The following RBPMS variants were observed in gnomAD, a reference collection of about 807,000 sequenced individuals.
RBPMS encodes RNA binding protein, mRNA processing factor, also known as RNA-binding protein with multiple splicing.
A neutral mutation model predicts 26.8 loss-of-function variants in RBPMS; 7 were observed. That is an observed-to-expected ratio of 0.26 (90% CI 0.15 to 0.49). The LOEUF (loss-of-function observed/expected upper bound fraction) is 0.49. Among genes scored for constraint, RBPMS ranks in the 20% least tolerant of loss-of-function variants. The pLI is 0.98. For missense variants in RBPMS, 186 were observed against 250.0 expected (o/e 0.74, Z 1.73); for synonymous variants, 96 against 93.3 (o/e 1.03, Z -0.17).
At chr8:30,408,349 C>T (rs189388224) in intron 1 of RBPMS, among the ~76,000 whole-genome samples, 1 of 152,172 alleles carries the variant, frequency 6.6e-6, no homozygotes, top group East Asian at 1.9e-4. Context: ...GCCAATGTGG[C>T]GAAACTCTGT....
intron 1 of RBPMS, among the ~76,000 whole-genome samples, chr8:30,439,949 G>T (rs912156145): frequency 1.3e-5 from 2 of 152,130 alleles, no homozygotes; most frequent in Non-Finnish European, 2.9e-5. Flanking sequence ...GGAGGCTGAG[G>T]CGGGATTACT....
intron 1 of RBPMS, among the ~76,000 whole-genome samples, chr8:30,439,278 CTTTAA>C (rs1329363038): frequency 6.6e-6 from 1 of 152,210 alleles, no homozygotes; most frequent in Non-Finnish European, 1.5e-5. Flanking sequence ...AAGCAAACCT[CTTTAA>C]TCAAAGTCAA....
chr8:30,417,970 T>C (rs952773), intron 1 of RBPMS, among the ~76,000 whole-genome samples: 11 of 152,360 alleles, frequency 7.2e-5, no homozygotes, highest in East Asian at 5.8e-4. Flanking sequence ...TGTGTTACCA[T>C]ACGTAACACA....
At chr8:30,514,612 G>T (rs1822088276) in intron 5 of RBPMS, among the ~76,000 whole-genome samples, 1 of 148,322 alleles carries the variant, frequency 6.7e-6, no homozygotes, top group African/African-American at 2.5e-5. Flanking sequence ...TGGCTTGATC[G>T]GCTCACTGCA....
chr8:30,451,230 C>T (rs1814545564), intron 1 of RBPMS, among the ~76,000 whole-genome samples: 1 of 152,154 alleles, frequency 6.6e-6, no homozygotes, highest in East Asian at 1.9e-4. Context: ...CATTTCAATG[C>T]CCTGAGACTT....
At chr8:30,550,788 G>A (rs984304171) in intron 6 of RBPMS, among the ~76,000 whole-genome samples, 7 of 152,182 alleles carry the variant, frequency 4.6e-5, no homozygotes, top group African/African-American at 7.2e-5. Context: ...CACGGCCACC[G>A]GAACCCCCTT....
At chr8:30,566,774 C>T (rs1827918124) in intron 8 of RBPMS, among the ~76,000 whole-genome samples, 1 of 152,134 alleles carries the variant, frequency 6.6e-6, no homozygotes, top group Non-Finnish European at 1.5e-5. Context: ...GTATATCCCC[C>T]CATCTTATTA....
At chr8:30,533,284 C>T (rs979444119) in intron 5 of RBPMS, among the ~76,000 whole-genome samples, 1 of 152,146 alleles carries the variant, frequency 6.6e-6, no homozygotes, top group Admixed American at 6.5e-5. Flanking sequence ...ACCTAGCCTG[C>T]CTCTGAAAGC....
At chr8:30,434,339 G>T (rs567480616) in intron 1 of RBPMS, among the ~76,000 whole-genome samples, 1 of 152,160 alleles carries the variant, frequency 6.6e-6, no homozygotes, top group African/African-American at 2.4e-5. Context: ...TGTTATGGGA[G>T]AGTGGGGGTA....
chr8:30,443,134 T>G (rs1209979240), intron 1 of RBPMS, among the ~76,000 whole-genome samples: 3 of 152,208 alleles, frequency 2.0e-5, no homozygotes, highest in African/African-American at 7.2e-5. Context: ...GCCCTGCAGC[T>G]TCTCCACAAC....
chr8:30,472,720 A>G (rs1373955640), intron 1 of RBPMS, among the ~76,000 whole-genome samples: 3 of 152,208 alleles, frequency 2.0e-5, no homozygotes, highest in Non-Finnish European at 4.4e-5. Context: ...TGCTGGGTCA[A>G]TAAAAGGGCC....
chr8:30,524,943 T>C (rs1823424232), intron 5 of RBPMS, among the ~76,000 whole-genome samples: 1 of 152,210 alleles, frequency 6.6e-6, no homozygotes, highest in African/African-American at 2.4e-5. Context: ...TATTCCAAGT[T>C]TAGTCTATCA....
At chr8:30,385,341 C>A in intron 1 of RBPMS, 183 bp downstream of exon 1, 2 of 425,346 alleles carry the variant, frequency 4.7e-6, no homozygotes, top group East Asian at 3.9e-5. Context: ...TGTCCACGCG[C>A]GTCTGCGGGC....
intron 5 of RBPMS, among the ~76,000 whole-genome samples, chr8:30,529,246 ATATG>A (rs1270099791): frequency 6.6e-6 from 1 of 152,074 alleles, no homozygotes; most frequent in Non-Finnish European, 1.5e-5. Flanking sequence ...GGTAAAATAT[ATATG>A]ACATAAACCT....
intron 8 of RBPMS, among the ~76,000 whole-genome samples, chr8:30,569,812 C>T (rs1401199424): frequency 2.6e-5 from 4 of 152,134 alleles, no homozygotes; most frequent in African/African-American, 9.7e-5. Flanking sequence ...GATTTGGCTG[C>T]CTTGAGGGCT....
chr8:30,540,811 T>C (rs925415613), intron 5 of RBPMS, among the ~76,000 whole-genome samples: 3 of 152,094 alleles, frequency 2.0e-5, no homozygotes, highest in Admixed American at 6.5e-5. Flanking sequence ...AATCCAGTAG[T>C]GTTGGTGAAG....
At chr8:30,492,141 C>A (rs1301790831) in intron 4 of RBPMS, among the ~76,000 whole-genome samples, 1 of 152,156 alleles carries the variant, frequency 6.6e-6, no homozygotes, top group Non-Finnish European at 1.5e-5. Flanking sequence ...ATCCACCTGC[C>A]CCGGCCTCCC....
chr8:30,468,607 T>A (rs183717621), intron 1 of RBPMS, among the ~76,000 whole-genome samples: 1 of 152,266 alleles, frequency 6.6e-6, no homozygotes, highest in East Asian at 1.9e-4. Flanking sequence ...ATTATGTAAA[T>A]CCTTGGATTT....
chr8:30,438,908 G>T (rs1199631031), intron 1 of RBPMS, among the ~76,000 whole-genome samples: 1 of 151,938 alleles, frequency 6.6e-6, no homozygotes, highest in East Asian at 1.9e-4. Flanking sequence ...TTAGTAGCTG[G>T]GCCTACAGGC....
Sources: gnomAD v4.1 joint callset for allele counts (sites outside exome capture counted in the v4.1 genomes callset) on GRCh38, gnomAD v4.1.1 for gene constraint, MANE v1.5 for transcripts, NCBI Gene and HGNC (gene_info 2026-07-23, HGNC 2026-07-21) for gene names.